IGF1R: variants seen among roughly 807,000 people sequenced by gnomAD.
IGF1R encodes insulin-like growth factor 1 receptor.
In IGF1R, 44 loss-of-function variants were observed where a neutral mutation model predicts 144.6. The observed-to-expected ratio is 0.30, with a 90% CI of 0.24 to 0.39. The LOEUF is 0.39. Among genes scored for constraint, IGF1R ranks in the 10% least tolerant of loss-of-function variants. The pLI is 1.00. For synonymous variants in IGF1R, 795 were observed against 722.8 expected (o/e 1.10, Z -1.60); for missense variants, 1,355 against 1,833.7 (o/e 0.74, Z 4.77).
intron 2 of IGF1R, among the ~76,000 whole-genome samples, chr15:98,862,000 G>A (rs1319826659): frequency 1.3e-5 from 2 of 152,116 alleles, no homozygotes; most frequent in East Asian, 1.9e-4. Flanking sequence ...GCTGGTCTCC[G>A]GAAAAAAGTA....
At position 98,934,810 on chromosome 15, in the gene IGF1R, G is replaced by A; in HGVS notation, c.2957-14G>A. On this transcript the variant is annotated splice_polypyrimidine_tract_variant and intron_variant, in intron 15 of 20. Coordinates refer to ENST00000650285, the MANE Select transcript of IGF1R (RefSeq NM_000875.5). ...TTGTTTCTGTACCTGCTTTAATTAC[G>A]GTTTCTTCTCCAGTGTACGTTCCTG... 1.9e-6 allele frequency: 3 copies of A among 1,609,540 alleles called. No homozygotes were observed. The highest frequency in any genetic ancestry group is 2.6e-6 in the Non-Finnish European group (3 of 1,176,028).
Position 98,767,777 on chromosome 15 carries a change from C to T in IGF1R, c.640+59670C>T, listed in dbSNP as rs774098431. On this transcript the variant is annotated intron_variant, in intron 2 of 20. Coordinates refer to ENST00000650285, the MANE Select transcript of IGF1R (RefSeq NM_000875.5). ...TTTCATCTGACAGTGGGTATGGTGT[C>T]CCTGGCAGGATAGGGCTTCCACCTC... Among the ~76,000 whole-genome samples, 9 of 152,132 alleles carry T rather than the reference C, an allele frequency of 5.9e-5. No individual in the cohort carries two copies. The East Asian group carries it at 1.7e-3, about 29-fold the overall frequency.
chr15:98,939,169 T>A, intron 17 of IGF1R, 32 bp from the exon 18 acceptor site: 1 of 1,603,854 alleles, frequency 6.2e-7, no homozygotes. Context: ...AAATCCAAAA[T>A]TCTCATGTGA....
intron 1 of IGF1R, among the ~76,000 whole-genome samples, chr15:98,669,677 G>A (rs985193197): frequency 6.6e-6 from 1 of 152,180 alleles, no homozygotes; most frequent in Non-Finnish European, 1.5e-5. Flanking sequence ...GTGAAACACT[G>A]ACTTCCCTCC....
intron 20 of IGF1R, chr15:98,953,178 G>A (rs1251596928): frequency 6.6e-6 from 1 of 152,226 alleles, no homozygotes; most frequent in Non-Finnish European, 1.5e-5. Context: ...ACTAGGGGCT[G>A]AAGGAGCTCG....
At chr15:98,693,388 A>G (rs2053523461) in intron 1 of IGF1R, among the ~76,000 whole-genome samples, 3 of 152,124 alleles carry the variant, frequency 2.0e-5, no homozygotes, top group Admixed American at 2.0e-4. Context: ...GCTTTGTTCT[A>G]CAGCAGGTCC....
Position 98,922,304 on chromosome 15 carries a change from G to A in IGF1R, c.2358G>A (p.Glu786=). 1 of 1,614,162 alleles carries A rather than the reference G, an allele frequency of 6.2e-7. No homozygotes were observed. Among genetic ancestry groups the A allele is most frequent in the South Asian group, 1.1e-5 (1 of 91,086 alleles). Residue 786 remains glutamate (E), a synonymous_variant, in exon 11 of 21, where the codon GAG becomes GAA. Transcript: ENST00000650285. The stretch of plus-strand genomic sequence containing the variant: ...TTGAGAGCAGAGTGGATAACAAGGA[G>A]AGAACTGTCATTTCTAACCTTCGGC... ...PFFESRVDNK[E]RTVISNLRPF... is the part of the protein sequence containing the mutation.
intron 2 of IGF1R, among the ~76,000 whole-genome samples, chr15:98,787,070 G>A (rs902289919): frequency 1.3e-5 from 2 of 152,144 alleles, no homozygotes; most frequent in Non-Finnish European, 2.9e-5. Context: ...GCGCCCCTTC[G>A]TAATTGGTCA....
chr15:98,907,640 CAGAG>C (rs2151668581), intron 5 of IGF1R, among the ~76,000 whole-genome samples: 1 of 152,324 alleles, frequency 6.6e-6, no homozygotes, highest in East Asian at 1.9e-4. Context: ...CTGGGGAAGC[CAGAG>C]AGAAAGGCCC....
intron 4 of IGF1R, among the ~76,000 whole-genome samples, chr15:98,898,497 C>T (rs377324062): frequency 7.2e-5 from 11 of 152,324 alleles, no homozygotes; most frequent in African/African-American, 2.6e-4. Context: ...AGGATCTCTT[C>T]CTTAAAACAT....
At chr15:98,854,665 T>C (rs2011695048) in intron 2 of IGF1R, among the ~76,000 whole-genome samples, 1 of 152,144 alleles carries the variant, frequency 6.6e-6, no homozygotes, top group Non-Finnish European at 1.5e-5. Context: ...CCAAAGCATG[T>C]TTCCCTGCGG....
At position 98,862,109 on chromosome 15, in the gene IGF1R, T is replaced by A. The variant is rs115316785; in HGVS notation, c.641-29216T>A. 5.3e-5 allele frequency among the ~76,000 whole-genome samples: 8 copies of A among 152,374 alleles called. No individual in the cohort carries two copies. The South Asian group carries it at 1.7e-3, about 32-fold the overall frequency. On this transcript the variant is annotated intron_variant, in intron 2 of 20. Coordinates refer to ENST00000650285, the MANE Select transcript of IGF1R (RefSeq NM_000875.5). The stretch of plus-strand genomic sequence containing the variant: ...GTGGATCAGGAAACTGTAGGGCTTA[T>A]GATGCTGGGAAATTTCTGCTAATGC...
intron 2 of IGF1R, among the ~76,000 whole-genome samples, chr15:98,831,647 T>G (rs2141503278): frequency 6.6e-6 from 1 of 152,314 alleles, no homozygotes; most frequent in African/African-American, 2.4e-5. Context: ...ATATGAAAAC[T>G]CAAGAAAATG....
In IGF1R at chr15:98,661,956, C is replaced by CTTTTTTTTTTTTTTT. The variant is rs869208651; in HGVS notation, c.94+12293_94+12307dup. On this transcript the variant is annotated intron_variant, in intron 1 of 20. Transcript: ENST00000650285. ...GAATTGCTGCCAGTTGAATAGGGCC[C>CTTTTTTTTTTTTTTT]TTTTTTTTTTTTTTTTTTTTTTTTT... 2.2e-3 allele frequency among the ~76,000 whole-genome samples: 230 copies of CTTTTTTTTTTTTTTT among 105,696 alleles called. 7 individuals are homozygous for CTTTTTTTTTTTTTTT. Among genetic ancestry groups the CTTTTTTTTTTTTTTT allele is most frequent in the Non-Finnish European group, 3.0e-3 (167 of 56,004 alleles). The allele number at this position is 105,696 out of a possible 152,430, so 69.3% of individuals were successfully genotyped here.
chr15:98,911,512 C>T (rs1458862130), intron 7 of IGF1R, 71 bp downstream of exon 7: 2 of 1,597,756 alleles, frequency 1.3e-6, no homozygotes, highest in East Asian at 2.2e-5. Context: ...TCTTTCGATC[C>T]TTGAATGGGC....
At chr15:98,884,058 A>G (rs45618632) in intron 2 of IGF1R, among the ~76,000 whole-genome samples, 2,193 of 152,204 alleles carry the variant, frequency 0.014, 25 homozygotes, top group Non-Finnish European at 0.023. Context: ...ACAGATGAAT[A>G]TACTGTAATC....
intron 1 of IGF1R, among the ~76,000 whole-genome samples, chr15:98,703,150 T>G (rs771278984): frequency 2.0e-5 from 3 of 152,100 alleles, no homozygotes; most frequent in Non-Finnish European, 4.4e-5. Flanking sequence ...GCTTCCCTGC[T>G]TGTCTTATTC....
intron 2 of IGF1R, among the ~76,000 whole-genome samples, chr15:98,783,403 A>G (rs1426491511): frequency 1.3e-5 from 2 of 152,224 alleles, no homozygotes; most frequent in African/African-American, 4.8e-5. Context: ...ATAGACTCAT[A>G]GTATGTAACC....
At position 98,961,029 on chromosome 15, in the gene IGF1R, GCAGCTTTGC is replaced by G; in HGVS notation, c.*3589_*3597del. ...ATGATTTCGCTGGGAAGTGTGGCGGGCAGCTTTGCCTAAGCGTGGATGGCTCCTCGGCAA... is the reference window on the plus strand; with the variant it reads ...ATGATTTCGCTGGGAAGTGTGGCGGGCTAAGCGTGGATGGCTCCTCGGCAA... On this transcript the variant is annotated 3_prime_UTR_variant, in exon 21 of 21. Coordinates refer to ENST00000650285, the MANE Select transcript of IGF1R (RefSeq NM_000875.5). 1 of 233,758 alleles carries G rather than the reference GCAGCTTTGC, an allele frequency of 4.3e-6. No homozygotes were observed. Among genetic ancestry groups the G allele is most frequent in the Non-Finnish European group, 8.5e-6 (1 of 118,058 alleles). 14.5% of individuals were successfully genotyped at this position (233,758 alleles called of 1,614,324 possible). A position where few individuals can be genotyped will look rare whatever the true frequency, so the allele number is the denominator to read the frequency against.
Sources: allele counts gnomAD v4.1 joint callset (sites outside exome capture counted in the v4.1 genomes callset), GRCh38; gene constraint gnomAD v4.1.1; transcripts MANE v1.5; gene names NCBI Gene and HGNC (gene_info 2026-07-23, HGNC 2026-07-21).